Variants in SLC8A3 observed in about 807,000 individuals in gnomAD.
SLC8A3 encodes the protein solute carrier family 8 member A3.
Under a neutral mutation model 65.4 loss-of-function variants are expected in SLC8A3, and 37 were observed. The ratio of observed to expected loss-of-function variants is 0.57; its 90% CI spans 0.44 to 0.74. The LOEUF is 0.74. SLC8A3 is among the 30% of genes least tolerant of loss of function. The pLI is 0.00. For synonymous variants in SLC8A3, 461 were observed against 444.5 expected, an observed-to-expected ratio of 1.04 and a Z score of -0.47; for missense variants, 1,112 against 1,172.1, an observed-to-expected ratio of 0.95 and a Z score of 0.75.
rs781260718 is a variant in SLC8A3 at position 70,060,854 on chromosome 14, T to C, written c.1870A>G (p.Met624Val). 2 of 1,500,990 alleles carry C rather than the reference T, an allele frequency of 1.3e-6. No homozygotes were observed. The highest frequency in any genetic ancestry group is 1.8e-6 in the Non-Finnish European group (2 of 1,106,508). 93.0% of individuals were successfully genotyped at this position (1,500,990 alleles called of 1,614,324 possible). A position where few individuals can be genotyped will look rare whatever the true frequency, so the allele number is the denominator to read the frequency against. Residue 624 changes from methionine to valine, a missense_variant, in exon 3 of 7, where the codon ATG becomes GTG. Met to Val is a conservative substitution (Grantham distance 21). Coordinates refer to ENST00000356921, the MANE Select transcript of SLC8A3 (RefSeq NM_182932.3). Reference protein sequence around the residue: ...FFIALGEPKWMERGISDVTDR... With the variant: ...FFIALGEPKWVERGISDVTDR... Reference sequence around the variant, plus strand: ...CTCACACCTGATATTCCACGTTCCATCCATTTCGGTTCACCAAGGGCAATG... The same window carrying C: ...CTCACACCTGATATTCCACGTTCCACCCATTTCGGTTCACCAAGGGCAATG...
chr14:70,109,023 G>A (rs1042280779), intron 2 of SLC8A3, among the ~76,000 whole-genome samples: 1 of 152,090 alleles, frequency 6.6e-6, no homozygotes, highest in African/African-American at 2.4e-5. Context: ...ATCCATTGAT[G>A]TCTGTCTCAG....
At chr14:70,087,338 T>C (rs930238050) in intron 2 of SLC8A3, among the ~76,000 whole-genome samples, 3 of 152,196 alleles carry the variant, frequency 2.0e-5, no homozygotes, top group Non-Finnish European at 4.4e-5. Flanking sequence ...TAGGCTGCTG[T>C]GCAACTTCCA....
chr14:70,044,610 A>C lies in SLC8A3; in HGVS notation c.*1337T>G, dbSNP rs922430141. ...TAAGATTCCTCTTACTGGAGCAAGA[A>C]CTACCCCATAGGCTGGAAAAATAGC... On this transcript the variant is annotated 3_prime_UTR_variant, in exon 7 of 7. Transcript: ENST00000356921. 7.2e-5 allele frequency: 11 copies of C among 152,126 alleles called. No homozygotes were observed. The highest frequency in any genetic ancestry group is 2.7e-4 in the African/African-American group (11 of 41,418). 9.4% of individuals were successfully genotyped at this position (152,126 alleles called of 1,614,324 possible).
chr14:70,124,943 T>A (rs1425086744), intron 2 of SLC8A3, among the ~76,000 whole-genome samples: 1 of 152,228 alleles, frequency 6.6e-6, no homozygotes, highest in South Asian at 2.1e-4. Context: ...CCTTTCTTAT[T>A]CGTTATGTCT....
rs1052412125 is a variant in SLC8A3 at position 70,089,816 on chromosome 14, C to CT, written c.1785-28878dup. ...CCAATTTTCCCCCAAAAGATAATTT[C>CT]TTTGATCAACACATTGGCTGACTAT... On this transcript the variant is annotated intron_variant, in intron 2 of 6. Coordinates refer to ENST00000356921, the MANE Select transcript of SLC8A3 (RefSeq NM_182932.3). Among the ~76,000 whole-genome samples the CT allele has an allele frequency of 7.4e-4, 112 of 152,188 alleles. 1 individual carries two copies. Among genetic ancestry groups the CT allele is most frequent in the African/African-American group, 2.6e-3 (107 of 41,526 alleles).
intron 2 of SLC8A3, among the ~76,000 whole-genome samples, chr14:70,119,321 T>C (rs1057437710): frequency 6.6e-6 from 1 of 152,118 alleles, no homozygotes; most frequent in Non-Finnish European, 1.5e-5. Flanking sequence ...GTTGGGTAAA[T>C]GGAAATACTT....
intron 2 of SLC8A3, among the ~76,000 whole-genome samples, chr14:70,108,168 T>C (rs1167411831): frequency 1.3e-5 from 2 of 151,598 alleles, no homozygotes; most frequent in African/African-American, 4.8e-5. Context: ...GCAGCCAGAG[T>C]TATTTCTGAG....
chr14:70,113,307 A>G (rs1479142854), intron 2 of SLC8A3, among the ~76,000 whole-genome samples: 1 of 152,240 alleles, frequency 6.6e-6, no homozygotes, highest in Non-Finnish European at 1.5e-5. Context: ...ACTGTACTGG[A>G]AACTGTAGGC....
intron 2 of SLC8A3, among the ~76,000 whole-genome samples, chr14:70,109,368 CTCTT>C (rs1477493258): frequency 2.0e-5 from 3 of 148,862 alleles, no homozygotes; most frequent in Non-Finnish European, 4.4e-5. Flanking sequence ...TCATCATTTG[CTCTT>C]TCTCTATATA....
chr14:70,153,981 C>A (rs1303271313), intron 2 of SLC8A3, among the ~76,000 whole-genome samples: 2 of 152,238 alleles, frequency 1.3e-5, no homozygotes, highest in Non-Finnish European at 2.9e-5. Flanking sequence ...AAACAAGAAT[C>A]CTCTGCAGAC....
chr14:70,127,180 G>A (rs886515837), intron 2 of SLC8A3, among the ~76,000 whole-genome samples: 2 of 150,890 alleles, frequency 1.3e-5, no homozygotes, highest in South Asian at 2.1e-4. Flanking sequence ...AAGGATTGGG[G>A]GTAGGGGTGG....
intron 2 of SLC8A3, among the ~76,000 whole-genome samples, chr14:70,160,278 C>T (rs1896808371): frequency 6.6e-6 from 1 of 152,198 alleles, no homozygotes; most frequent in South Asian, 2.1e-4. Flanking sequence ...AACTCTGTCT[C>T]TACTAAAAAT....
In SLC8A3 at chr14:70,180,745, T is replaced by C. The variant is rs140214819; in HGVS notation, c.-63+7634A>G. Among the ~76,000 whole-genome samples the C allele has an allele frequency of 1.3e-4, 20 of 152,320 alleles. No homozygotes were observed. In the East Asian group the frequency reaches 3.7e-3, roughly 28 times the overall value. Reference sequence around the variant, plus strand: ...GAAGTGCAGGAGTTGAGATAGGATGTCTGGAACATTTGGGAGCCTAGAGCA... The same window carrying C: ...GAAGTGCAGGAGTTGAGATAGGATGCCTGGAACATTTGGGAGCCTAGAGCA... On this transcript the variant is annotated intron_variant, in intron 1 of 6. Coordinates refer to ENST00000356921, the MANE Select transcript of SLC8A3 (RefSeq NM_182932.3).
At chr14:70,174,880 C>T (rs1026953617) in intron 1 of SLC8A3, among the ~76,000 whole-genome samples, 1 of 152,100 alleles carries the variant, frequency 6.6e-6, no homozygotes, top group African/African-American at 2.4e-5. Context: ...GTTGGTGGCT[C>T]TACGGATGCC....
At chr14:70,063,921 A>G in intron 2 of SLC8A3, 2 of 1,596,228 alleles carry the variant, frequency 1.3e-6, no homozygotes, top group South Asian at 2.2e-5. Context: ...CTTGATGTGA[A>G]TTGTTTTGCT....
chr14:70,112,184 G>A (rs1321464878), intron 2 of SLC8A3, among the ~76,000 whole-genome samples: 1 of 152,226 alleles, frequency 6.6e-6, no homozygotes, highest in African/African-American at 2.4e-5. Context: ...AGAATGGATG[G>A]TGCAAGGTCC....
rs768400914 is a variant in SLC8A3, at chr14:70,167,560, T to A, written c.863A>T (p.Asp288Val). 1.9e-6 allele frequency: 3 copies of A among 1,613,954 alleles called. No individual in the cohort carries two copies. Among genetic ancestry groups the A allele is most frequent in the Non-Finnish European group, 2.5e-6 (3 of 1,180,032 alleles). ...EGDHPKGIEM[D>V]GKMMNSHFLD... ...AAAATGGGAATTCATCATTTTCCCA[T>A]CCATCTCAATGCCCTTAGGGTGGTC... The change falls in exon 2 of 7, where the codon GAT becomes GTT. Residue 288 changes from aspartate to valine, a missense_variant. Coordinates refer to ENST00000356921, the MANE Select transcript of SLC8A3 (RefSeq NM_182932.3).
At chr14:70,174,662 G>GTTTTTTTTTTTTTTT (rs10527244) in intron 1 of SLC8A3, among the ~76,000 whole-genome samples, 3 of 66,516 alleles carry the variant, frequency 4.5e-5, no homozygotes, top group African/African-American at 1.0e-4. Flanking sequence ...TTTTTTTTTT[G>GTTTTTTTTTTTTTTT]TTTTTTTTTT....
intron 2 of SLC8A3, among the ~76,000 whole-genome samples, chr14:70,131,781 A>G (rs557540553): frequency 1.6e-4 from 24 of 152,352 alleles, no homozygotes; most frequent in Non-Finnish European, 2.8e-4. Flanking sequence ...GTTCAGGGAC[A>G]TTAGAAAAAC....
Sources: gnomAD v4.1 joint callset for allele counts (sites outside exome capture counted in the v4.1 genomes callset) on GRCh38, gnomAD v4.1.1 for gene constraint, MANE v1.5 for transcripts, NCBI Gene and HGNC (gene_info 2026-07-23, HGNC 2026-07-21) for gene names.